PDZD2: variants seen among roughly 807,000 people sequenced by gnomAD.
PDZD2 encodes the protein PDZ domain containing 2.
Under a neutral mutation model 220.7 loss-of-function variants are expected in PDZD2, and 90 were observed. The observed-to-expected ratio is 0.41, with a 90% CI of 0.34 to 0.49. The LOEUF (loss-of-function observed/expected upper bound fraction) is 0.49, where lower values mean the gene tolerates loss of function less well. Ranked by LOEUF, PDZD2 falls within the 20% of genes least tolerant of loss-of-function variation. The pLI is 0.28. For synonymous variants in PDZD2, 1,375 were observed against 1,450.5 expected, an observed-to-expected ratio of 0.95 and a Z score of 1.18; for missense variants, 3,174 against 3,608.5, an observed-to-expected ratio of 0.88 and a Z score of 3.08.
chr5:32,038,025 G>C (rs952316187), intron 7 of PDZD2, among the ~76,000 whole-genome samples: 1 of 148,802 alleles, frequency 6.7e-6, no homozygotes, highest in Admixed American at 6.7e-5. Context: ...TGCATTTTTA[G>C]TGGAGACAAG....
chr5:31,680,884 A>C (rs890486795), intron 1 of PDZD2, among the ~76,000 whole-genome samples: 4 of 152,150 alleles, frequency 2.6e-5, no homozygotes, highest in African/African-American at 9.7e-5. Flanking sequence ...CCTGCCCCAC[A>C]GCAACGGCCG....
At chr5:31,784,201 C>A (rs1349252395) in intron 1 of PDZD2, among the ~76,000 whole-genome samples, 1 of 152,212 alleles carries the variant, frequency 6.6e-6, no homozygotes, top group East Asian at 1.9e-4. Flanking sequence ...CGCATCAAAA[C>A]TGCCTGTGAG....
intron 6 of PDZD2, among the ~76,000 whole-genome samples, chr5:32,016,408 C>T (rs571475909): frequency 1.2e-4 from 19 of 152,272 alleles, no homozygotes; most frequent in African/African-American, 4.3e-4. Flanking sequence ...GCAAATTGAA[C>T]TTAGAGTCTA....
chr5:31,658,396 C>T (rs987821350), intron 1 of PDZD2, among the ~76,000 whole-genome samples: 3 of 152,206 alleles, frequency 2.0e-5, no homozygotes, highest in African/African-American at 7.2e-5. Context: ...GAGAAAATTT[C>T]CCTCCTTTTA....
At chr5:31,882,690 G>T (rs1222984862) in intron 2 of PDZD2, among the ~76,000 whole-genome samples, 2 of 152,056 alleles carry the variant, frequency 1.3e-5, no homozygotes, top group Non-Finnish European at 2.9e-5. Context: ...GGAGGTAATG[G>T]TTGAAGTTAT....
chr5:31,830,834 C>G (rs933540910), intron 2 of PDZD2, among the ~76,000 whole-genome samples: 1 of 152,178 alleles, frequency 6.6e-6, no homozygotes, highest in Non-Finnish European at 1.5e-5. Context: ...TTGGGAGAAG[C>G]CTTATCCTGC....
intron 2 of PDZD2, among the ~76,000 whole-genome samples, chr5:31,850,010 A>T (rs1757903093): frequency 1.1e-5 from 1 of 92,946 alleles, no homozygotes; most frequent in Non-Finnish European, 2.1e-5. Flanking sequence ...ATATATATAC[A>T]CACACACGTA....
chr5:31,758,412 G>T (rs566026751), intron 1 of PDZD2, among the ~76,000 whole-genome samples: 2 of 152,316 alleles, frequency 1.3e-5, no homozygotes, highest in African/African-American at 4.8e-5. Flanking sequence ...CTCAGCAGAT[G>T]CATGTGGGGC....
At chr5:32,099,565 CCCT>C (rs1174259366) in intron 23 of PDZD2, 6 of 152,218 alleles carry the variant, frequency 3.9e-5, no homozygotes, top group African/African-American at 1.4e-4. Context: ...AGGGCTGAGG[CCCT>C]CCTCAATACA....
chr5:31,893,931 G>C (rs1561548571), intron 2 of PDZD2, among the ~76,000 whole-genome samples: 1 of 151,860 alleles, frequency 6.6e-6, no homozygotes, highest in Non-Finnish European at 1.5e-5. Context: ...TTTCACTCTT[G>C]TAGCCCAGGC....
chr5:31,790,810 T>A (rs1168672737), intron 1 of PDZD2, among the ~76,000 whole-genome samples: 1 of 148,634 alleles, frequency 6.7e-6, no homozygotes, highest in Non-Finnish European at 1.5e-5. Flanking sequence ...GCCATTCTCC[T>A]GCCTCAGCCT....
intron 1 of PDZD2, among the ~76,000 whole-genome samples, chr5:31,692,061 G>C (rs423464): frequency 0.37 from 56,267 of 152,152 alleles, 10,592 homozygotes; most frequent in African/African-American, 0.43. Context: ...AGTGGAGCAC[G>C]GGGTGGCGCT....
rs1416926345 is a variant in PDZD2 at position 31,711,346 on chromosome 5, G to A, written c.-361+71909G>A. ...GCTACTGTGTGTATGTGTGACAGGG[G>A]ATGGGAAGGAAAGTTAAAAACAGAG... On this transcript the variant is annotated intron_variant, in intron 1 of 24. Coordinates refer to ENST00000438447, the MANE Select transcript of PDZD2 (RefSeq NM_178140.4). Among the ~76,000 whole-genome samples the A allele has an allele frequency of 2.6e-5, 4 of 152,216 alleles. No individual in the cohort carries two copies. In the East Asian group the frequency reaches 7.7e-4, roughly 29 times the overall value.
At chr5:31,964,947 C>T (rs1361985784) in intron 2 of PDZD2, among the ~76,000 whole-genome samples, 1 of 152,146 alleles carries the variant, frequency 6.6e-6, no homozygotes, top group African/African-American at 2.4e-5. Context: ...TGGTCTCGAT[C>T]TCCTGACCTC....
intron 1 of PDZD2, among the ~76,000 whole-genome samples, chr5:31,790,202 A>G (rs1753619942): frequency 6.6e-6 from 1 of 151,932 alleles, no homozygotes. Flanking sequence ...CCACCTCCTG[A>G]GTCTCCTGCC....
At chr5:31,700,315 G>T (rs1371260630) in intron 1 of PDZD2, among the ~76,000 whole-genome samples, 3 of 152,170 alleles carry the variant, frequency 2.0e-5, no homozygotes, top group Non-Finnish European at 4.4e-5. Flanking sequence ...AGAGGTGGAG[G>T]CTGAGGAGGA....
rs137924699 is a variant in PDZD2 at position 31,729,760 on chromosome 5, G to C, written c.-360-69129G>C. Among the ~76,000 whole-genome samples, 931 of 152,338 alleles carry C rather than the reference G, an allele frequency of 6.1e-3. 3 individuals are homozygous for C. The highest frequency in any genetic ancestry group is 0.017 in the Middle Eastern group (5 of 294). On this transcript the variant is annotated intron_variant, in intron 1 of 24. Transcript: ENST00000438447. ...AACTGACAGACTCCAAGAGGACAGA[G>C]AGTGTATCTTGTGATTCTTTGTATC...
At chr5:31,889,594 G>A (rs533653458) in intron 2 of PDZD2, among the ~76,000 whole-genome samples, 1 of 152,202 alleles carries the variant, frequency 6.6e-6, no homozygotes, top group Non-Finnish European at 1.5e-5. Flanking sequence ...TATAAAGGCA[G>A]TGGGAGCCAA....
intron 8 of PDZD2, among the ~76,000 whole-genome samples, chr5:32,052,195 G>C (rs1437929756): frequency 1.3e-5 from 2 of 152,220 alleles, no homozygotes; most frequent in African/African-American, 4.8e-5. Flanking sequence ...GCCCAGGCTG[G>C]AGTGCAGTGG....
Sources: allele counts gnomAD v4.1 joint callset (sites outside exome capture counted in the v4.1 genomes callset), GRCh38; gene constraint gnomAD v4.1.1; transcripts MANE v1.5; gene names NCBI Gene and HGNC (gene_info 2026-07-23, HGNC 2026-07-21).